The following RNF213 variants were observed in gnomAD, a reference collection of about 807,000 sequenced individuals.
The protein encoded by RNF213 is ring finger protein 213, also known as E3 ubiquitin-protein ligase RNF213.
RNF213 carries 341 observed loss-of-function variants against 514.4 expected under a neutral mutation model. The ratio of observed to expected loss-of-function variants is 0.66; its 90% CI spans 0.61 to 0.73. The LOEUF is 0.73. RNF213 is among the 30% of genes least tolerant of loss of function. RNF213 has a pLI of 0.00. For missense variants in RNF213, 5,767 were observed against 6,615.6 expected (o/e 0.87, Z 4.45); for synonymous variants, 2,655 against 2,658.2 (o/e 1.00, Z 0.04).
At chr17:80,320,335 TTTG>T (rs769932914) in intron 17 of RNF213, 2 of 152,286 alleles carry the variant, frequency 1.3e-5, no homozygotes, top group African/African-American at 2.4e-5. Context: ...ATAATGTTTT[TTTG>T]TTGTTGGTGG....
At chr17:80,392,869 C>T (rs1432416293) in intron 67 of RNF213, among the ~76,000 whole-genome samples, 3 of 152,246 alleles carry the variant, frequency 2.0e-5, no homozygotes, top group South Asian at 2.1e-4. Flanking sequence ...GGATTATAGG[C>T]GTGAGCCACT....
At chr17:80,277,417 G>A (rs1248341662) in intron 3 of RNF213, among the ~76,000 whole-genome samples, 2 of 151,968 alleles carry the variant, frequency 1.3e-5, no homozygotes, top group Admixed American at 1.3e-4. Flanking sequence ...GACCAACATG[G>A]GGAAACCCCG....
chr17:80,273,781 A>G (rs1463629263), intron 3 of RNF213, among the ~76,000 whole-genome samples: 1 of 151,580 alleles, frequency 6.6e-6, no homozygotes, highest in East Asian at 1.9e-4. Flanking sequence ...CACCACGACC[A>G]GCTAATTTTT....
At position 80,343,825 on chromosome 17, in the gene RNF213, T is replaced by G. The variant is rs774141676; in HGVS notation, c.6184-32T>G. ...GTTGGGAGAACTCGCCATCGTGTCG[T>G]GTGTTTACACCTCGTGCGATTCTGT... On this transcript the variant is annotated intron_variant, in intron 27 of 67. Transcript: ENST00000582970. This position sits in a 1 kb window ranked among gnomAD's most constrained non-coding sequence, Gnocchi z 4.3. 1.9e-6 allele frequency: 3 copies of G among 1,613,318 alleles called. No homozygotes were observed. The East Asian group carries it at 6.7e-5, about 36-fold the overall frequency.
intron 10 of RNF213, among the ~76,000 whole-genome samples, chr17:80,296,662 C>T (rs1269926385): frequency 6.6e-6 from 1 of 152,194 alleles, no homozygotes; most frequent in East Asian, 1.9e-4. Context: ...ATCACGACAT[C>T]TGCCTCTCAG....
At chr17:80,280,507 G>C (rs771126061) in intron 3 of RNF213, among the ~76,000 whole-genome samples, 10 of 152,174 alleles carry the variant, frequency 6.6e-5, no homozygotes, top group Admixed American at 1.3e-4. Context: ...AGGCTGGAGC[G>C]CAGTGGCAAA....
intron 11 of RNF213, among the ~76,000 whole-genome samples, chr17:80,304,039 T>C (rs2045273013): frequency 6.6e-6 from 1 of 151,278 alleles, no homozygotes; most frequent in African/African-American, 2.4e-5. Context: ...AGGCTAGATA[T>C]AGTAGAAATA....
At chr17:80,311,788 G>T (rs1343366116) in intron 14 of RNF213, among the ~76,000 whole-genome samples, 2 of 152,124 alleles carry the variant, frequency 1.3e-5, no homozygotes, top group African/African-American at 4.8e-5. Flanking sequence ...AGGTTCTGTG[G>T]CTCCTGACAC....
At chr17:80,322,163 T>TCC (rs2046161204) in intron 17 of RNF213, among the ~76,000 whole-genome samples, 26 of 16,880 alleles carry the variant, frequency 1.5e-3, no homozygotes, top group Non-Finnish European at 2.5e-3. Context: ...ACCCCCCCTT[T>TCC]TTTTTTTTTT....
At chr17:80,389,777 GT>G (rs1399950682) in intron 65 of RNF213, 50 bp from the exon 66 acceptor site, 1 of 1,482,688 alleles carries the variant, frequency 6.7e-7, no homozygotes. Context: ...CACGACATGA[GT>G]GGGGGTGTGA....
At position 80,345,938 on chromosome 17, in the gene RNF213, A is replaced by C. The variant is rs867623077; in HGVS notation, c.7603A>C (p.Ile2535Leu). Residue 2535 changes from isoleucine (I) to leucine (L), a missense_variant, in exon 29 of 68, where the codon ATC (isoleucine) becomes CTC (leucine). By Grantham distance (5) the Ile-to-Leu change is conservative (BLOSUM62 2). Transcript: ENST00000582970. The surrounding 1 kb of genome is among the most constrained non-coding windows in gnomAD (Gnocchi z 6.0). ...ATACCGGAAGCACTCTGAGGAGATG[A>C]TCTGCCGTTTGGAGTCAGCTGGTTT... ...NPYRKHSEEM[I>L]CRLESAGLGY... 11 of 1,614,074 alleles carry C rather than the reference A, an allele frequency of 6.8e-6. No individual in the cohort carries two copies. The Admixed American group carries it at 1.3e-4, about 20-fold the overall frequency.
rs757765642 is a variant in RNF213 at position 80,369,630 on chromosome 17, T to C, written c.12284T>C (p.Leu4095Pro). The C allele has an allele frequency of 6.2e-7, 1 of 1,614,032 alleles. No homozygotes were observed. The highest frequency in any genetic ancestry group is 8.5e-7 in the Non-Finnish European group (1 of 1,179,830). Residue 4095 changes from leucine to proline, a missense_variant, in exon 45 of 68, where the codon CTC (leucine) becomes CCC (proline). Coordinates refer to ENST00000582970, the MANE Select transcript of RNF213 (RefSeq NM_001256071.3). ...EKEVIESLLS[L>P]LFVQKGRLRD... ...GAAGTGATTGAGAGCCTGCTCTCTC[T>C]CCTCTTCGTCCAAAAGGGGCGCTTA...
At chr17:80,319,808 G>A in intron 17 of RNF213, 1 of 1,217,340 alleles carries the variant, frequency 8.2e-7, no homozygotes, top group Non-Finnish European at 1.0e-6. Context: ...AGTCTCGCAG[G>A]CAATGCCACA....
intron 26 of RNF213, 54 bp downstream of exon 26, chr17:80,340,410 C>G: frequency 6.7e-7 from 1 of 1,503,302 alleles, no homozygotes; most frequent in East Asian, 2.4e-5. Flanking sequence ...TGCCCGGGGC[C>G]CTTCCCCCCT....
At position 80,332,105 on chromosome 17, in the gene RNF213, A is replaced by G; in HGVS notation, c.3617A>G (p.Gln1206Arg). 1 of 1,537,226 alleles carries G rather than the reference A, an allele frequency of 6.5e-7. No individual in the cohort carries two copies. Among genetic ancestry groups the G allele is most frequent in the Non-Finnish European group, 8.7e-7 (1 of 1,146,912 alleles). The part of the protein sequence containing the change: ...TVRLSTSSNS[Q>R]RATHYHLSSQ... ...AGACTGTCCACCTCCTCGAACTCGC[A>G]GAGGGCAACGCATTACCACCTGAGC... Residue 1206 changes from glutamine to arginine, a missense_variant, in exon 21 of 68, where the codon CAG becomes CGG. Gln to Arg is a conservative substitution (Grantham distance 43). Transcript: ENST00000582970.
chr17:80,290,459 A>ATG (rs559966254), intron 6 of RNF213, 111 bp from the exon 7 acceptor site: 174 of 1,289,170 alleles, frequency 1.3e-4, no homozygotes, highest in Non-Finnish European at 1.8e-4. Context: ...GTGCGAGTGC[A>ATG]TGTGTGTGTG....
chr17:80,313,789 T>G (rs1248040176), intron 15 of RNF213, among the ~76,000 whole-genome samples: 1 of 140,322 alleles, frequency 7.1e-6, no homozygotes, highest in Non-Finnish European at 1.6e-5. Context: ...ATGGTGGTGG[T>G]GAAGGTGATG....
intron 10 of RNF213, among the ~76,000 whole-genome samples, chr17:80,297,010 C>T (rs934532459): frequency 1.3e-5 from 2 of 151,178 alleles, no homozygotes; most frequent in Non-Finnish European, 3.0e-5. Flanking sequence ...ACCAAATAAA[C>T]GCCGCACATT....
At chr17:80,333,364 C>G (rs1308987638) in intron 21 of RNF213, among the ~76,000 whole-genome samples, 3 of 147,440 alleles carry the variant, frequency 2.0e-5, no homozygotes, top group African/African-American at 7.4e-5. Context: ...CCGGCTGAGT[C>G]TTCTGCTTCT....
Sources: allele counts gnomAD v4.1 joint callset (sites outside exome capture counted in the v4.1 genomes callset), GRCh38; gene constraint gnomAD v4.1.1; non-coding constraint Gnocchi (gnomAD v3.1); transcripts MANE v1.5; gene names NCBI Gene and HGNC (gene_info 2026-07-23, HGNC 2026-07-21).